The following KIAA1958 variants were observed in gnomAD, a reference collection of about 807,000 sequenced individuals.
KIAA1958 encodes uncharacterized protein KIAA1958.
A neutral mutation model predicts 47.2 loss-of-function variants in KIAA1958; 14 were observed. That is an observed-to-expected ratio of 0.30 (90% confidence interval 0.20 to 0.46). KIAA1958 has a LOEUF of 0.46. Ranked by LOEUF, KIAA1958 falls within the 20% of genes least tolerant of loss-of-function variation. The pLI is 1.00. For synonymous variants in KIAA1958, 354 were observed against 353.3 expected (o/e 1.00, Z -0.02); for missense variants, 803 against 909.2 (o/e 0.88, Z 1.50).
chr9:112,566,991 A>G (rs771376587), intron 1 of KIAA1958, among the ~76,000 whole-genome samples: 8 of 152,196 alleles, frequency 5.3e-5, no homozygotes, highest in Admixed American at 2.6e-4. Context: ...TTATTATGAT[A>G]AAAATGAAAA....
At chr9:112,514,574 A>G (rs1162569932) in intron 1 of KIAA1958, among the ~76,000 whole-genome samples, 24 of 3,628 alleles carry the variant, frequency 6.6e-3, no homozygotes, top group Non-Finnish European at 8.0e-3. Flanking sequence ...CGGGAGGGAG[A>G]TGGGGGGGGG....
At chr9:112,516,407 G>C (rs1336611901) in intron 1 of KIAA1958, among the ~76,000 whole-genome samples, 1 of 152,104 alleles carries the variant, frequency 6.6e-6, no homozygotes. Flanking sequence ...TAAAATACAT[G>C]TAAGATCTGT....
At chr9:112,512,369 A>G (rs1834337636) in intron 1 of KIAA1958, among the ~76,000 whole-genome samples, 1 of 152,224 alleles carries the variant, frequency 6.6e-6, no homozygotes, top group African/African-American at 2.4e-5. Context: ...ACAGTTTATT[A>G]TATTAACAGG....
chr9:112,548,155 C>T (rs1378516278), intron 1 of KIAA1958, among the ~76,000 whole-genome samples: 3 of 152,070 alleles, frequency 2.0e-5, no homozygotes, highest in Non-Finnish European at 2.9e-5. Context: ...AGGCAAGCGC[C>T]ACCACACCCA....
intron 2 of KIAA1958, among the ~76,000 whole-genome samples, chr9:112,611,247 C>T (rs149771015): frequency 1.3e-4 from 20 of 152,056 alleles, no homozygotes; most frequent in Middle Eastern, 3.4e-3. Context: ...GAAAACAAAA[C>T]GCTATATGGA....
intron 1 of KIAA1958, among the ~76,000 whole-genome samples, chr9:112,549,781 T>A (rs1485264371): frequency 1.3e-5 from 2 of 152,062 alleles, no homozygotes; most frequent in African/African-American, 4.8e-5. Context: ...CTGGAGACAT[T>A]TTTGGTTGTC....
At position 112,574,935 on chromosome 9, in the gene KIAA1958, T is replaced by C; in HGVS notation, c.855T>C (p.Ala285=). 3 of 1,614,088 alleles carry C rather than the reference T, an allele frequency of 1.9e-6. No individual in the cohort carries two copies. The highest frequency in any genetic ancestry group is 1.3e-5 in the African/African-American group (1 of 75,062). ...VISRPIVQKT[A]RVSLASPNRG... ...CCAGACCAATTGTCCAGAAGACTGC[T>C]AGGGTATCTCTGGCTTCACCAAACA... Residue 285 remains alanine (A), a synonymous_variant, in exon 2 of 4, where the codon GCT becomes GCC. Transcript: ENST00000337530.
rs147404139 is a variant in KIAA1958 at position 112,492,511 on chromosome 9, C to G, written c.-25+5393C>G. ...GTTCAGCCTATAACACAGTCCATCCCTCTACCTACTGCCTTTCATGCATGT... is the reference window on the plus strand; with the variant it reads ...GTTCAGCCTATAACACAGTCCATCCGTCTACCTACTGCCTTTCATGCATGT... On this transcript the variant is annotated intron_variant, in intron 1 of 3. Transcript: ENST00000337530. 2.7e-3 allele frequency among the ~76,000 whole-genome samples: 407 copies of G among 152,280 alleles called. 2 individuals carry two copies. Among genetic ancestry groups the G allele is most frequent in the African/African-American group, 9.3e-3 (388 of 41,548 alleles).
intron 2 of KIAA1958, among the ~76,000 whole-genome samples, chr9:112,645,155 T>A (rs1836955367): frequency 6.6e-6 from 1 of 151,116 alleles, no homozygotes; most frequent in Non-Finnish European, 1.5e-5. Flanking sequence ...AAAAAAATGC[T>A]AACACCATTT....
At chr9:112,542,022 T>G (rs570158794) in intron 1 of KIAA1958, among the ~76,000 whole-genome samples, 18 of 152,312 alleles carry the variant, frequency 1.2e-4, no homozygotes, top group African/African-American at 3.9e-4. Flanking sequence ...AACGTTCGTT[T>G]TGTTAAAGGT....
At chr9:112,606,286 T>C (rs1201026497) in intron 2 of KIAA1958, among the ~76,000 whole-genome samples, 1 of 152,176 alleles carries the variant, frequency 6.6e-6, no homozygotes, top group African/African-American at 2.4e-5. Context: ...TTTGGGTACA[T>C]AGGTTCACGG....
intron 1 of KIAA1958, among the ~76,000 whole-genome samples, chr9:112,556,720 T>C (rs1367255457): frequency 1.3e-5 from 2 of 152,200 alleles, no homozygotes; most frequent in Admixed American, 6.5e-5. Context: ...TGCATACTTG[T>C]TGAAAGATTT....
chr9:112,608,511 G>T (rs978815388), intron 2 of KIAA1958, among the ~76,000 whole-genome samples: 1 of 152,178 alleles, frequency 6.6e-6, no homozygotes, highest in Non-Finnish European at 1.5e-5. Flanking sequence ...GAATTTGGCT[G>T]GGTGTGGTGG....
intron 2 of KIAA1958, among the ~76,000 whole-genome samples, chr9:112,634,767 G>A (rs1265517245): frequency 2.0e-5 from 3 of 152,064 alleles, no homozygotes; most frequent in Admixed American, 2.0e-4. Context: ...TTTCATTTTA[G>A]TGGAATTCTG....
chr9:112,618,609 C>T lies in KIAA1958; in HGVS notation c.1172-27041C>T. 1 of 1,550,676 alleles carries T rather than the reference C, an allele frequency of 6.4e-7. No homozygotes were observed. ...CCCGCCATGCGCTACGAGGATGCCC[C>T]TTTCTACTTATCCATCAAGCCAGTC... On this transcript the variant is annotated intron_variant, in intron 2 of 3. Coordinates refer to ENST00000337530, the MANE Select transcript of KIAA1958 (RefSeq NM_133465.4). The surrounding 1 kb of genome is among the most constrained non-coding windows in gnomAD (Gnocchi z 7.1).
At chr9:112,512,010 T>C (rs982886469) in intron 1 of KIAA1958, among the ~76,000 whole-genome samples, 1 of 152,228 alleles carries the variant, frequency 6.6e-6, no homozygotes, top group Non-Finnish European at 1.5e-5. Flanking sequence ...GTATCTGTTA[T>C]AGAAATTGAA....
At chr9:112,605,440 A>G (rs1167033486) in intron 2 of KIAA1958, among the ~76,000 whole-genome samples, 1 of 152,076 alleles carries the variant, frequency 6.6e-6, no homozygotes, top group Non-Finnish European at 1.5e-5. Context: ...TTCTGAGAAT[A>G]TTTCATACCA....
At chr9:112,530,675 G>A (rs186125135) in intron 1 of KIAA1958, among the ~76,000 whole-genome samples, 6 of 152,080 alleles carry the variant, frequency 3.9e-5, no homozygotes, top group Admixed American at 2.6e-4. Flanking sequence ...CTTTTACTTC[G>A]CAAATCATAT....
chr9:112,656,141 G>A (rs1162139991), intron 3 of KIAA1958, among the ~76,000 whole-genome samples: 1 of 152,142 alleles, frequency 6.6e-6, no homozygotes, highest in Non-Finnish European at 1.5e-5. Flanking sequence ...GGGAGGCCTA[G>A]GCGGGCGGAT....
Sources: gnomAD v4.1 joint callset for allele counts (sites outside exome capture counted in the v4.1 genomes callset) on GRCh38, gnomAD v4.1.1 for gene constraint, Gnocchi (gnomAD v3.1) non-coding constraint, MANE v1.5 for transcripts, NCBI Gene and HGNC (gene_info 2026-07-23, HGNC 2026-07-21) for gene names.